ZBED6: variants seen among roughly 807,000 people sequenced by gnomAD.
ZBED6 encodes zinc finger BED-type containing 6.
A neutral mutation model predicts 58.4 loss-of-function variants in ZBED6; 40 were observed. The ratio of observed to expected loss-of-function variants is 0.68; its 90% CI spans 0.53 to 0.89. ZBED6 has a LOEUF of 0.89. Among genes scored for constraint, ZBED6 ranks in the 40% least tolerant of loss-of-function variants. ZBED6 has a pLI of 0.00. For missense variants in ZBED6, 1,057 were observed against 1,003.9 expected, an observed-to-expected ratio of 1.05 and a Z score of -0.71; for synonymous variants, 439 against 350.6, an observed-to-expected ratio of 1.25 and a Z score of -2.82.
exon 3 of ZBED6, chr1:203,818,575 C>T (rs1468226818): frequency 6.2e-7 from 1 of 1,613,890 alleles, no homozygotes; most frequent in Non-Finnish European, 8.5e-7. Context: ...TACAGGGTGA[C>T]AGCTGCCCAT....
exon 14 of ZBED6, chr1:203,849,894 G>C (rs749692447): frequency 1.2e-6 from 2 of 1,614,074 alleles, no homozygotes; most frequent in South Asian, 2.2e-5. Context: ...TGCTGTGCCA[G>C]GAATCACACG....
chr1:203,838,322 G>C (rs1171856078), intron 10 of ZBED6, among the ~76,000 whole-genome samples: 1 of 152,206 alleles, frequency 6.6e-6, no homozygotes, highest in South Asian at 2.1e-4. Context: ...GATAAATTTT[G>C]TAACAGAGAA....
intron 16 of ZBED6, among the ~76,000 whole-genome samples, chr1:203,851,403 C>T (rs146483722): frequency 0.011 from 1,605 of 152,298 alleles, 19 homozygotes; most frequent in African/African-American, 0.035. Context: ...AATCTCTGCT[C>T]ACTGCAACCT....
intron 11 of ZBED6, among the ~76,000 whole-genome samples, chr1:203,841,927 G>A (rs1406330068): frequency 2.7e-5 from 4 of 150,464 alleles, no homozygotes; most frequent in African/African-American, 9.9e-5. Flanking sequence ...AGATGGGGTG[G>A]CGGTCGGGCA....
intron 1 of ZBED6, among the ~76,000 whole-genome samples, chr1:203,804,935 A>G (rs985038599): frequency 6.6e-6 from 1 of 151,902 alleles, no homozygotes. Flanking sequence ...GGCCTCCTAA[A>G]GTGCTGGGAT....
At chr1:203,822,817 A>G (rs1475866200) in intron 3 of ZBED6, among the ~76,000 whole-genome samples, 1 of 152,064 alleles carries the variant, frequency 6.6e-6, no homozygotes, top group Non-Finnish European at 1.5e-5. Flanking sequence ...GTCAGACTCC[A>G]ATACCCTGCT....
intron 1 of ZBED6, chr1:203,805,721 G>A (rs1285105722): frequency 4.5e-6 from 3 of 662,226 alleles, no homozygotes; most frequent in Non-Finnish European, 8.7e-6. Flanking sequence ...GCAGATGCTG[G>A]CTCATCTAAA....
intron 7 of ZBED6, among the ~76,000 whole-genome samples, chr1:203,831,209 A>C (rs1418150778): frequency 6.6e-6 from 1 of 151,828 alleles, no homozygotes. Context: ...CCCCAGCCTT[A>C]AAATTTATAG....
At chr1:203,837,900 G>T in intron 9 of ZBED6, 66 bp from the exon 10 acceptor site, 2 of 1,475,132 alleles carry the variant, frequency 1.4e-6, no homozygotes, top group South Asian at 1.2e-5. Flanking sequence ...GTCTGTTTTT[G>T]TTTGTATTTC....
At chr1:203,819,884 T>A (rs908449514) in intron 3 of ZBED6, among the ~76,000 whole-genome samples, 1 of 151,934 alleles carries the variant, frequency 6.6e-6, no homozygotes, top group African/African-American at 2.4e-5. Context: ...TACCATCGTT[T>A]AATCCTTTGA....
chr1:203,850,768 G>A, intron 15 of ZBED6, 87 bp downstream of exon 15: 1 of 1,508,420 alleles, frequency 6.6e-7, no homozygotes, highest in Non-Finnish European at 9.0e-7. Context: ...TCTATCTTGA[G>A]TATATCACTT....
At chr1:203,835,912 TA>T (rs1437156132) in intron 9 of ZBED6, 6 of 216,608 alleles carry the variant, frequency 2.8e-5, no homozygotes, top group Non-Finnish European at 5.1e-5. Flanking sequence ...CTTCCAGACA[TA>T]CTTCCTTTAA....
intron 8 of ZBED6, among the ~76,000 whole-genome samples, chr1:203,832,728 ATGTT>A (rs555212722): frequency 1.5e-3 from 221 of 152,350 alleles, no homozygotes; most frequent in African/African-American, 5.1e-3. Context: ...ATATATTTAA[ATGTT>A]TGTGCAATTC....
At chr1:203,798,584 C>T in exon 1 of ZBED6, 1 of 1,536,130 alleles carries the variant, frequency 6.5e-7, no homozygotes, top group Non-Finnish European at 8.7e-7. Context: ...AGTCTACAGG[C>T]AGCCAAGATT....
In ZBED6 at chr1:203,805,240, TCTC is replaced by T. The variant is rs529388140; in HGVS notation, c.*2554+2227_*2554+2229del. Among the ~76,000 whole-genome samples, 248 of 151,220 alleles carry T rather than the reference TCTC, an allele frequency of 1.6e-3. 1 individual carries two copies. The highest frequency in any genetic ancestry group is 5.7e-3 in the African/African-American group (235 of 41,140). Reference sequence around the variant, plus strand: ...CCTCCGCCTCCTGGGTTCAAGCAATTCTCCTGCTTCAGTCTCCCGAGAGTAGGA... The same window carrying T: ...CCTCCGCCTCCTGGGTTCAAGCAATTCTGCTTCAGTCTCCCGAGAGTAGGA... On this transcript the variant is annotated intron_variant, in intron 1 of 16. Transcript: ENST00000550078.
intron 3 of ZBED6, among the ~76,000 whole-genome samples, chr1:203,825,096 G>C (rs1463967261): frequency 9.5e-6 from 1 of 105,206 alleles, no homozygotes; most frequent in East Asian, 3.1e-4. Flanking sequence ...AAAAAAAAAA[G>C]AAAATAGATG....
chr1:203,817,206 GT>G, intron 2 of ZBED6, 82 bp downstream of exon 2: 1 of 1,196,718 alleles, frequency 8.4e-7, no homozygotes, highest in Non-Finnish European at 1.2e-6. Flanking sequence ...ATTTTAAGTT[GT>G]TTTTATTATA....
chr1:203,850,532 G>A (rs939503971), exon 15 of ZBED6: 6 of 1,613,792 alleles, frequency 3.7e-6, no homozygotes, highest in Admixed American at 1.7e-5. Context: ...CAAAGTGAAC[G>A]TGAAGCCATC....
intron 1 of ZBED6, chr1:203,805,633 C>T: frequency 1.4e-6 from 1 of 692,120 alleles, no homozygotes; most frequent in Non-Finnish European, 2.7e-6. Context: ...AAGCAGGGAT[C>T]TGTGGCAATC....
Sources: gnomAD v4.1 joint callset for allele counts (sites outside exome capture counted in the v4.1 genomes callset) on GRCh38, gnomAD v4.1.1 for gene constraint, MANE v1.5 for transcripts, NCBI Gene and HGNC (gene_info 2026-07-23, HGNC 2026-07-21) for gene names.